Variants in ABR observed in about 807,000 individuals in gnomAD.
ABR encodes the protein active breakpoint cluster region-related protein.
In ABR, 35 loss-of-function variants were observed where a neutral mutation model predicts 107.2. The ratio of observed to expected loss-of-function variants is 0.33; its 90% CI spans 0.25 to 0.43. The LOEUF is 0.43. Among genes scored for constraint, ABR ranks in the 20% least tolerant of loss-of-function variants. The probability of loss-of-function intolerance (pLI) is 1.00; values close to 1 mark genes in which losing one functional copy is unlikely to be tolerated. For missense variants in ABR, 815 were observed against 1,115.2 expected (o/e 0.73, Z 3.83); for synonymous variants, 498 against 462.0 (o/e 1.08, Z -1.00).
At chr17:1,052,281 G>A (rs2032655888) in intron 14 of ABR, among the ~76,000 whole-genome samples, 2 of 151,732 alleles carry the variant, frequency 1.3e-5, no homozygotes, top group African/African-American at 4.8e-5. Context: ...TTTGAGACGG[G>A]CCATGAAGTG....
At chr17:1,108,908 G>A in intron 2 of ABR, 1 of 1,562,250 alleles carries the variant, frequency 6.4e-7, no homozygotes. Context: ...GCCCCCCCCA[G>A]CGCCCAGGGC....
In ABR at chr17:1,007,152, G is replaced by A. The variant is rs550209876; in HGVS notation, c.2490+13C>T. 1.5e-5 allele frequency: 24 copies of A among 1,603,900 alleles called. No homozygotes were observed. The South Asian group carries it at 2.0e-4, about 13-fold the overall frequency. ...CCCTCCGCCAGCCACGGGCCCGGGC[G>A]GTGCCAGGGTACCTGCGCCATGACG... On this transcript the variant is annotated intron_variant, in intron 22 of 22. Coordinates refer to ENST00000302538, the MANE Select transcript of ABR (RefSeq NM_021962.5).
At position 1,027,636 on chromosome 17, in the gene ABR, G is replaced by A. The variant is rs16957459; in HGVS notation, c.1792-14472C>T. On this transcript the variant is annotated intron_variant, in intron 16 of 22. Transcript: ENST00000302538. The surrounding 1 kb of genome is among the most constrained non-coding windows in gnomAD (Gnocchi z 4.7). ...TGCCAACCTGTCAGCCAGCCTGGCC[G>A]CAGTCAGGACCCACACATAGGCCCA... Among the ~76,000 whole-genome samples the A allele has an allele frequency of 0.029, 4,431 of 152,022 alleles. 125 individuals carry two copies. Among genetic ancestry groups the A allele is most frequent in the South Asian group, 0.12 (592 of 4,804 alleles).
chr17:1,152,799 A>G (rs1022741391), intron 1 of ABR, among the ~76,000 whole-genome samples: 3 of 151,898 alleles, frequency 2.0e-5, no homozygotes, highest in Non-Finnish European at 2.9e-5. Context: ...TTAACAAAAA[A>G]AATTCTGACA....
In ABR at chr17:1,148,863, G is replaced by C. The variant is rs1033961959; in HGVS notation, c.62-23496C>G. ...GCGTACACTGGATGGAAAATTTTAG[G>C]CATGTGTATTTTGCCATGATTTTCT... On this transcript the variant is annotated intron_variant, in intron 1 of 22. Coordinates refer to ENST00000302538, the MANE Select transcript of ABR (RefSeq NM_021962.5). The surrounding 1 kb of genome is among the most constrained non-coding windows in gnomAD (Gnocchi z 4.9). Among the ~76,000 whole-genome samples, 2 of 152,132 alleles carry C rather than the reference G, an allele frequency of 1.3e-5. No individual in the cohort carries two copies. Among genetic ancestry groups the C allele is most frequent in the South Asian group, 4.1e-4 (2 of 4,828 alleles).
intron 1 of ABR, among the ~76,000 whole-genome samples, chr17:1,217,129 C>T (rs752150353): frequency 3.3e-5 from 5 of 152,098 alleles, no homozygotes; most frequent in Non-Finnish European, 5.9e-5. Context: ...TAAAATAAAA[C>T]GGAAAGGCGC....
intron 14 of ABR, among the ~76,000 whole-genome samples, chr17:1,052,369 C>A (rs1016873298): frequency 7.5e-5 from 11 of 146,352 alleles, no homozygotes; most frequent in Non-Finnish European, 1.5e-4. Context: ...AGGGAGGGTT[C>A]CGGAAGGGGC....
intron 16 of ABR, 42 bp from the exon 17 acceptor site, chr17:1,013,206 G>C: frequency 6.3e-7 from 1 of 1,597,080 alleles, no homozygotes; most frequent in Non-Finnish European, 8.6e-7. Context: ...CCAGCTCGGA[G>C]GCCAAGCCAG....
chr17:1,072,731 C>T lies in ABR; in HGVS notation c.777G>A (p.Val259=). The change falls in exon 8 of 23, where the codon GTG becomes GTA. Residue 259 remains valine (V), a synonymous_variant. Coordinates refer to ENST00000302538, the MANE Select transcript of ABR (RefSeq NM_021962.5). ...GCAGCAGCGGGTAGTCGGGGTGGTC[C>T]ACAGGTGTGTGCTTCAGCAGGTCCT... ...VLHDLLKHTP[V]DHPDYPLLQD... is the part of the protein sequence containing the mutation. 6.2e-7 allele frequency: 1 copy of T among 1,613,492 alleles called. No individual in the cohort carries two copies. The highest frequency in any genetic ancestry group is 8.5e-7 in the Non-Finnish European group (1 of 1,179,822).
At chr17:1,176,705 G>T (rs2041929098) in intron 1 of ABR, among the ~76,000 whole-genome samples, 1 of 152,094 alleles carries the variant, frequency 6.6e-6, no homozygotes, top group Admixed American at 6.6e-5. Context: ...ACTTAGCTGG[G>T]TTGTGGTGGC....
At chr17:1,214,802 AAAG>A (rs199867791) in intron 1 of ABR, among the ~76,000 whole-genome samples, 1,475 of 139,452 alleles carry the variant, frequency 0.011, 11 homozygotes, top group South Asian at 0.03. Context: ...ACTCCACCTC[AAAG>A]AAAAAAATAT....
intron 16 of ABR, among the ~76,000 whole-genome samples, chr17:1,024,369 G>A (rs1195769143): frequency 6.6e-6 from 1 of 152,240 alleles, no homozygotes; most frequent in Non-Finnish European, 1.5e-5. Flanking sequence ...GGCCACGGAA[G>A]GCAGGACACC....
chr17:1,028,239 C>T (rs4968077), intron 16 of ABR, among the ~76,000 whole-genome samples: 197 of 151,654 alleles, frequency 1.3e-3, no homozygotes, highest in Middle Eastern at 3.4e-3. Flanking sequence ...TACAGGTGCC[C>T]GCCACCATGC....
chr17:1,014,777 T>G (rs1253418866), intron 16 of ABR, among the ~76,000 whole-genome samples: 1 of 149,892 alleles, frequency 6.7e-6, no homozygotes, highest in Non-Finnish European at 1.5e-5. Context: ...ACCCAGTAGG[T>G]GGAGGTTGCA....
chr17:1,121,313 T>G (rs1197445900), intron 2 of ABR, among the ~76,000 whole-genome samples: 2 of 152,260 alleles, frequency 1.3e-5, no homozygotes, highest in Non-Finnish European at 2.9e-5. Context: ...AGGAGGTTGA[T>G]TGCAAAAGCA....
intron 16 of ABR, chr17:1,031,777 C>A: frequency 8.2e-7 from 1 of 1,221,240 alleles, no homozygotes; most frequent in Non-Finnish European, 1.0e-6. Flanking sequence ...GGAGAGAAGG[C>A]GCCTGTGGAG....
chr17:1,031,531 GCAGCCCCC>G, intron 16 of ABR: 1 of 49,058 alleles, frequency 2.0e-5, no homozygotes, highest in Non-Finnish European at 3.6e-5. Context: ...CGCAGCCCCC[GCAGCCCCC>G]CGAGCCCCGC....
intron 5 of ABR, among the ~76,000 whole-genome samples, chr17:1,082,789 A>G (rs2036333812): frequency 6.6e-6 from 1 of 152,148 alleles, no homozygotes; most frequent in Non-Finnish European, 1.5e-5. Flanking sequence ...GTGCCAGGAA[A>G]TCTGTGTTTT....
chr17:1,083,788 G>T, intron 4 of ABR, 161 bp from the exon 5 acceptor site: 1 of 639,128 alleles, frequency 1.6e-6, no homozygotes, highest in Non-Finnish European at 2.8e-6. Context: ...ACATATTACA[G>T]TGTCCCTTTG....
Sources: gnomAD v4.1 joint callset for allele counts (sites outside exome capture counted in the v4.1 genomes callset) on GRCh38, gnomAD v4.1.1 for gene constraint, Gnocchi (gnomAD v3.1) non-coding constraint, MANE v1.5 for transcripts, NCBI Gene and HGNC (gene_info 2026-07-23, HGNC 2026-07-21) for gene names.